Variants in SH3KBP1 observed in about 807,000 individuals in gnomAD.
The protein encoded by SH3KBP1 is SH3 domain containing kinase binding protein 1, also known as SH3 domain-containing kinase-binding protein 1.
SH3KBP1 carries 8 observed loss-of-function variants against 50.1 expected under a neutral mutation model. The ratio of observed to expected loss-of-function variants is 0.16; its 90% CI spans 0.09 to 0.29. SH3KBP1 has a LOEUF of 0.29. SH3KBP1 is among the 10% of genes least tolerant of loss of function. SH3KBP1 has a pLI of 1.00. For missense variants in SH3KBP1, 377 were observed against 535.2 expected, an observed-to-expected ratio of 0.70 and a Z score of 2.92; for synonymous variants, 227 against 218.6, an observed-to-expected ratio of 1.04 and a Z score of -0.34.
rs35514461 is a variant in SH3KBP1, at chrX:19,718,139, TACACACACACAC to T, written c.287-11167_287-11156del. Among the ~76,000 whole-genome samples, 23 of 91,094 alleles carry T rather than the reference TACACACACACAC, an allele frequency of 2.5e-4. No individual in the cohort carries two copies. In the South Asian group the frequency reaches 4.1e-3, roughly 16 times the overall value. The allele number at this position is 91,094 out of a possible 115,157, so 79.1% of individuals were successfully genotyped here. A position where few individuals can be genotyped will look rare whatever the true frequency, so the allele number is the denominator to read the frequency against. On this transcript the variant is annotated intron_variant, in intron 3 of 17. Transcript: ENST00000397821. Reference sequence around the variant, plus strand: ...TATACTATGATCCCAATTTTATAAATACACACACACACACACACACACACACACACACACACA... The same window carrying T: ...TATACTATGATCCCAATTTTATAAATACACACACACACACACACACACACA...
chrX:19,657,926 G>A (rs1161474094), intron 6 of SH3KBP1, among the ~76,000 whole-genome samples: 1 of 108,555 alleles, frequency 9.2e-6, no homozygotes, highest in Non-Finnish European at 1.9e-5. Context: ...GGGTGGGGGC[G>A]GGTAGCTCAA....
intron 12 of SH3KBP1, among the ~76,000 whole-genome samples, chrX:19,586,989 G>A (rs1290838116): frequency 1.8e-5 from 2 of 111,182 alleles, no homozygotes; most frequent in East Asian, 2.8e-4. Context: ...TGGGAGGCCC[G>A]AGGCGGGTGA....
At chrX:19,574,628 G>A (rs2066141827) in intron 12 of SH3KBP1, among the ~76,000 whole-genome samples, 1 of 112,177 alleles carries the variant, frequency 8.9e-6, no homozygotes, top group Non-Finnish European at 1.9e-5. Context: ...TGAGGGCTTT[G>A]CCCCAATGAC....
At chrX:19,786,138 T>C (rs1398783677) in intron 2 of SH3KBP1, among the ~76,000 whole-genome samples, 1 of 112,066 alleles carries the variant, frequency 8.9e-6, no homozygotes, top group East Asian at 2.8e-4. Flanking sequence ...TTTAATGTGA[T>C]GAGCCAAATT....
chrX:19,780,774 G>C (rs1247758274), intron 2 of SH3KBP1, among the ~76,000 whole-genome samples: 1 of 110,181 alleles, frequency 9.1e-6, no homozygotes, highest in Non-Finnish European at 1.9e-5. Context: ...CGTTATTTCT[G>C]AGGGCTCTGT....
At chrX:19,719,611 T>C (rs779585966) in intron 3 of SH3KBP1, among the ~76,000 whole-genome samples, 2 of 110,987 alleles carry the variant, frequency 1.8e-5, no homozygotes, top group Non-Finnish European at 3.8e-5. Flanking sequence ...ACCTCAACTA[T>C]ATCTTATAAA....
At chrX:19,616,104 G>C (rs897443757) in intron 8 of SH3KBP1, among the ~76,000 whole-genome samples, 1 of 110,754 alleles carries the variant, frequency 9.0e-6, no homozygotes, top group Non-Finnish European at 1.9e-5. Flanking sequence ...CAAGACTACA[G>C]GCATACTCCA....
intron 2 of SH3KBP1, among the ~76,000 whole-genome samples, chrX:19,762,273 C>A (rs1412972542): frequency 8.9e-6 from 1 of 111,787 alleles, no homozygotes; most frequent in African/African-American, 3.3e-5. Flanking sequence ...GACCAGTATG[C>A]CTTTGGAGGG....
rs1210082632 is a variant in SH3KBP1, at chrX:19,887,429, C to A, written c.-119G>T. 1 of 561,748 alleles carries A rather than the reference C, an allele frequency of 1.8e-6. No homozygotes were observed. Among genetic ancestry groups the A allele is most frequent in the Non-Finnish European group, 2.4e-6 (1 of 421,789 alleles). 46.3% of individuals were successfully genotyped at this position (561,748 alleles called of 1,213,427 possible). Reference sequence around the variant, plus strand: ...AGGCGCGAGGGTCCGGACGCGGCGGCGGCTGGGCCGGCTTCTTCCTCAGTG... The same window carrying A: ...AGGCGCGAGGGTCCGGACGCGGCGGAGGCTGGGCCGGCTTCTTCCTCAGTG... On this transcript the variant is annotated 5_prime_UTR_variant, in exon 1 of 18. Transcript: ENST00000397821.
intron 2 of SH3KBP1, among the ~76,000 whole-genome samples, chrX:19,761,692 G>C (rs5955844): frequency 0.072 from 8,069 of 111,320 alleles, 659 homozygotes; most frequent in African/African-American, 0.24. Flanking sequence ...ACTGAAGAAC[G>C]ACTGCCTCCT....
intron 13 of SH3KBP1, among the ~76,000 whole-genome samples, chrX:19,555,377 A>G (rs913718283): frequency 1.8e-5 from 2 of 111,602 alleles, no homozygotes; most frequent in African/African-American, 6.5e-5. Flanking sequence ...ATTTGGTTCA[A>G]TTAGAAAATG....
chrX:19,884,595 C>T (rs1212033356), intron 1 of SH3KBP1, among the ~76,000 whole-genome samples: 2 of 112,361 alleles, frequency 1.8e-5, no homozygotes, highest in African/African-American at 6.5e-5. Flanking sequence ...TACAGACCAA[C>T]ACATTATGTT....
intron 6 of SH3KBP1, among the ~76,000 whole-genome samples, chrX:19,649,881 G>T (rs1410128052): frequency 8.9e-6 from 1 of 112,328 alleles, no homozygotes; most frequent in Non-Finnish European, 1.9e-5. Context: ...TAATGTATTT[G>T]TTTCTTTGTG....
At chrX:19,604,795 G>C (rs963053064) in intron 9 of SH3KBP1, among the ~76,000 whole-genome samples, 1 of 112,369 alleles carries the variant, frequency 8.9e-6, no homozygotes, top group Non-Finnish European at 1.9e-5. Context: ...TTATAGACCA[G>C]AGGAGATGGA....
intron 13 of SH3KBP1, among the ~76,000 whole-genome samples, chrX:19,560,596 G>T (rs955875843): frequency 9.0e-6 from 1 of 111,035 alleles, no homozygotes; most frequent in East Asian, 2.8e-4. Flanking sequence ...GCCTGAATTG[G>T]GTTATTTATG....
At chrX:19,843,754 C>CA (rs1391280245) in intron 1 of SH3KBP1, among the ~76,000 whole-genome samples, 1 of 111,131 alleles carries the variant, frequency 9.0e-6, no homozygotes, top group Non-Finnish European at 1.9e-5. Context: ...AGTAGCAGCT[C>CA]AAAGAATTGG....
Position 19,546,031 on chromosome X carries a change from T to C in SH3KBP1, c.1514A>G (p.Asp505Gly). 8.3e-7 allele frequency: 1 copy of C among 1,211,194 alleles called. No homozygotes were observed. Among genetic ancestry groups the C allele is most frequent in the Non-Finnish European group, 1.1e-6 (1 of 894,950 alleles). The change falls in exon 15 of 18, where the codon GAT becomes GGT. Residue 505 changes from aspartate to glycine, a missense_variant. Around this residue, in one of 3 missense-constraint regions of SH3KBP1, gnomAD observed 10 missense variants for 36.9 expected, o/e 0.27. Transcript: ENST00000397821. ...TTCGGGACTTGGGGAGTCGAAGATA[T>C]CAGGGCTTGAAAGGGATGACTGATA... ...SLTSSSLSSP[D>G]IFDSPSPEED... is the part of the protein sequence containing the mutation.
At chrX:19,649,273 G>A (rs764419053) in intron 6 of SH3KBP1, among the ~76,000 whole-genome samples, 1 of 111,806 alleles carries the variant, frequency 8.9e-6, no homozygotes, top group East Asian at 2.8e-4. Context: ...TTCACCTCCC[G>A]GGGGATCTGG....
intron 1 of SH3KBP1, among the ~76,000 whole-genome samples, chrX:19,838,095 C>A (rs1482735130): frequency 5.8e-5 from 6 of 103,403 alleles, no homozygotes; most frequent in African/African-American, 1.7e-4. Flanking sequence ...ACAACAACAA[C>A]AACAAACCAA....
Sources: gnomAD v4.1 joint callset for allele counts (sites outside exome capture counted in the v4.1 genomes callset) on GRCh38, gnomAD v4.1.1 for gene constraint, gnomAD v4.1.1 regional missense constraint, MANE v1.5 for transcripts, NCBI Gene and HGNC (gene_info 2026-07-23, HGNC 2026-07-21) for gene names.